RUNX1: variants seen among roughly 807,000 people sequenced by gnomAD.
RUNX1 encodes RUNX family transcription factor 1.
Under a neutral mutation model 42.8 loss-of-function variants are expected in RUNX1, and 19 were observed. The ratio of observed to expected loss-of-function variants is 0.44; its 90% confidence interval spans 0.31 to 0.65. The LOEUF (loss-of-function observed/expected upper bound fraction) is 0.65, where lower values mean the gene tolerates loss of function less well. Among genes scored for constraint, RUNX1 ranks in the 30% least tolerant of loss-of-function variants. RUNX1 has a pLI of 0.07. For missense variants in RUNX1, 528 were observed against 672.0 expected (o/e 0.79, Z 2.37); for synonymous variants, 271 against 289.4 (o/e 0.94, Z 0.64).
At chr21:34,895,757 G>A (rs571634271) in intron 2 of RUNX1, among the ~76,000 whole-genome samples, 26 of 152,186 alleles carry the variant, frequency 1.7e-4, no homozygotes, top group Admixed American at 9.8e-4. Flanking sequence ...ATACATAGAC[G>A]TAGATAGGTC....
intron 3 of RUNX1, among the ~76,000 whole-genome samples, chr21:34,890,126 G>A (rs960903952): frequency 1.3e-5 from 2 of 152,022 alleles, no homozygotes; most frequent in Non-Finnish European, 2.9e-5. Context: ...GGGGGCCGGG[G>A]TTGACTGGCG....
At chr21:35,004,320 A>C (rs1218040346) in intron 2 of RUNX1, among the ~76,000 whole-genome samples, 1 of 152,366 alleles carries the variant, frequency 6.6e-6, no homozygotes, top group African/African-American at 2.4e-5. Flanking sequence ...AATTCTAGAA[A>C]ACAAGAGGCC....
intron 2 of RUNX1, among the ~76,000 whole-genome samples, chr21:34,986,611 AGAG>A (rs2058889796): frequency 1.3e-5 from 2 of 150,298 alleles, no homozygotes; most frequent in South Asian, 2.2e-4. Flanking sequence ...CCTTATAAGA[AGAG>A]GAGAAGACAC....
chr21:35,019,780 G>C (rs910104662), intron 2 of RUNX1, among the ~76,000 whole-genome samples: 1 of 152,096 alleles, frequency 6.6e-6, no homozygotes, highest in South Asian at 2.1e-4. Flanking sequence ...CAAGTCCATC[G>C]CCAGAACAAG....
intron 7 of RUNX1, 28 bp downstream of exon 7, chr21:34,834,382 C>T (rs367846868): frequency 1.0e-4 from 166 of 1,607,434 alleles, no homozygotes; most frequent in South Asian, 4.6e-4. Flanking sequence ...GCAGGAGAGG[C>T]GGGCAGTGGG....
intron 2 of RUNX1, among the ~76,000 whole-genome samples, chr21:34,933,653 T>A (rs1380985659): frequency 6.6e-6 from 1 of 152,244 alleles, no homozygotes; most frequent in African/African-American, 2.4e-5. Flanking sequence ...AAAAAGTTCC[T>A]AGGTCTTGCC....
chr21:34,853,803 C>T (rs2057458151), intron 6 of RUNX1, among the ~76,000 whole-genome samples: 1 of 139,122 alleles, frequency 7.2e-6, no homozygotes, highest in African/African-American at 2.5e-5. Flanking sequence ...CCTTCCTTCC[C>T]TTCCTTCCTT....
At chr21:34,992,608 T>C (rs1226903168) in intron 2 of RUNX1, among the ~76,000 whole-genome samples, 1 of 144,620 alleles carries the variant, frequency 6.9e-6, no homozygotes, top group Non-Finnish European at 1.5e-5. Context: ...TGATAAGAGG[T>C]ATAAAGAAAA....
intron 2 of RUNX1, among the ~76,000 whole-genome samples, chr21:34,928,411 A>G (rs555821372): frequency 6.6e-6 from 1 of 152,276 alleles, no homozygotes; most frequent in Admixed American, 6.5e-5. Flanking sequence ...CCAAGTTACG[A>G]GGCCAGGTGC....
chr21:34,886,710 A>G (rs1188409469), intron 4 of RUNX1, 133 bp downstream of exon 4: 1 of 1,405,538 alleles, frequency 7.1e-7, no homozygotes, highest in Non-Finnish European at 9.7e-7. Context: ...ATCCCAAGCT[A>G]GGAAGACCGA....
intron 2 of RUNX1, among the ~76,000 whole-genome samples, chr21:34,903,263 C>CCA (rs1360939764): frequency 1.3e-5 from 2 of 151,878 alleles, no homozygotes; most frequent in Admixed American, 6.6e-5. Flanking sequence ...TACTCCATGC[C>CCA]CACCAAATTA....
At position 34,791,967 on chromosome 21, in the gene RUNX1, C is replaced by G. The variant is rs926089188; in HGVS notation, c.*168G>C. 24 of 432,652 alleles carry G rather than the reference C, an allele frequency of 5.5e-5. No homozygotes were observed. The highest frequency in any genetic ancestry group is 8.5e-5 in the African/African-American group (4 of 46,820). 26.8% of individuals were successfully genotyped at this position (432,652 alleles called of 1,614,324 possible). A position where few individuals can be genotyped will look rare whatever the true frequency, so the allele number is the denominator to read the frequency against. On this transcript the variant is annotated 3_prime_UTR_variant, in exon 9 of 9. Coordinates refer to ENST00000675419, the MANE Select transcript of RUNX1 (RefSeq NM_001754.5). ...GTGGGCTTCTGGGCGCAGGAGGCTG[C>G]GCGGGCCTGACCTACAGCGAGATCC...
intron 6 of RUNX1, among the ~76,000 whole-genome samples, chr21:34,839,999 C>A (rs2057209773): frequency 6.6e-6 from 1 of 152,174 alleles, no homozygotes; most frequent in Admixed American, 6.5e-5. Flanking sequence ...CTTCAATACA[C>A]ACAGAGCAGC....
chr21:35,022,892 TTTG>T (rs1569154749), intron 2 of RUNX1, among the ~76,000 whole-genome samples: 1 of 131,102 alleles, frequency 7.6e-6, no homozygotes, highest in African/African-American at 2.7e-5. Context: ...TGATACTCTG[TTTG>T]AATAATAATA....
intron 2 of RUNX1, among the ~76,000 whole-genome samples, chr21:34,993,742 G>GGC (rs2058970090): frequency 5.4e-5 from 3 of 55,678 alleles, no homozygotes; most frequent in African/African-American, 3.3e-4. Flanking sequence ...GACACACAGA[G>GGC]ACACACACAC....
intron 2 of RUNX1, among the ~76,000 whole-genome samples, chr21:34,920,064 G>A (rs764105096): frequency 6.6e-6 from 1 of 152,198 alleles, no homozygotes; most frequent in Non-Finnish European, 1.5e-5. Context: ...AATTCTAATT[G>A]CATGTGTGGT....
chr21:34,874,601 ACT>A (rs1418092372), intron 5 of RUNX1, among the ~76,000 whole-genome samples: 2 of 106,022 alleles, frequency 1.9e-5, no homozygotes, highest in South Asian at 6.3e-4. Flanking sequence ...CAAGAGGGAA[ACT>A]CTGTCTCAAA....
chr21:34,812,852 T>TA (rs1048808988), intron 7 of RUNX1, among the ~76,000 whole-genome samples: 6 of 152,056 alleles, frequency 3.9e-5, no homozygotes, highest in South Asian at 2.1e-4. Context: ...TAATTTTTTT[T>TA]AAAAAAATTA....
intron 5 of RUNX1, among the ~76,000 whole-genome samples, chr21:34,871,071 G>A (rs141107013): frequency 2.0e-5 from 3 of 152,290 alleles, no homozygotes; most frequent in Non-Finnish European, 4.4e-5. Flanking sequence ...TCTAGTTAAA[G>A]GCTGGATCTC....
Sources: allele counts gnomAD v4.1 joint callset (sites outside exome capture counted in the v4.1 genomes callset), GRCh38; gene constraint gnomAD v4.1.1; transcripts MANE v1.5; gene names NCBI Gene and HGNC (gene_info 2026-07-23, HGNC 2026-07-21).